LRRIQ1: variants seen among roughly 807,000 people sequenced by gnomAD.
The protein encoded by LRRIQ1 is leucine rich repeats and IQ motif containing 1, also known as leucine-rich repeat- and IQ domain-containing protein 1.
In LRRIQ1, 210 loss-of-function variants were observed where a neutral mutation model predicts 211.9. The ratio of observed to expected loss-of-function variants is 0.99; its 90% CI spans 0.89 to 1.11. The LOEUF (loss-of-function observed/expected upper bound fraction) is 1.11. Among genes scored for constraint, LRRIQ1 ranks in the 50% most tolerant of loss-of-function variants. The pLI, the probability that LRRIQ1 is intolerant of heterozygous loss-of-function variation, is 0.00. For missense variants in LRRIQ1, 2,136 were observed against 1,939.5 expected (o/e 1.10, Z -1.90); for synonymous variants, 699 against 650.1 (o/e 1.08, Z -1.14).
intron 18 of LRRIQ1, among the ~76,000 whole-genome samples, chr12:85,131,554 C>T (rs1411346626): frequency 2.0e-5 from 3 of 152,070 alleles, no homozygotes; most frequent in Admixed American, 6.6e-5. Context: ...GTATAAAGGA[C>T]AGTGTAAGTA....
chr12:85,267,774 A>G (rs1896454293), downstream of LRRIQ1, among the ~76,000 whole-genome samples: 1 of 152,094 alleles, frequency 6.6e-6, no homozygotes. Context: ...TCTGCTAAGC[A>G]CATATTTTGG....
intron 8 of LRRIQ1, among the ~76,000 whole-genome samples, 181 bp downstream of exon 8, chr12:85,057,365 A>G (rs1487293041): frequency 2.0e-5 from 3 of 152,034 alleles, no homozygotes; most frequent in Non-Finnish European, 2.9e-5. Flanking sequence ...TGTTCGAGGC[A>G]TCTTCCCTAA....
At chr12:85,212,311 CAAGAA>C (rs916858426) in intron 24 of LRRIQ1, among the ~76,000 whole-genome samples, 21 of 151,074 alleles carry the variant, frequency 1.4e-4, no homozygotes, top group African/African-American at 4.9e-4. Context: ...AAAAACACCA[CAAGAA>C]AAGAAAAGAA....
At chr12:85,163,922 G>A (rs928183849) in intron 24 of LRRIQ1, among the ~76,000 whole-genome samples, 2 of 152,160 alleles carry the variant, frequency 1.3e-5, no homozygotes, top group Non-Finnish European at 1.5e-5. Flanking sequence ...CTTTGACCAC[G>A]CCTGTCCCCA....
chr12:85,144,393 A>G (rs1889750405), intron 19 of LRRIQ1, among the ~76,000 whole-genome samples: 1 of 151,628 alleles, frequency 6.6e-6, no homozygotes, highest in Non-Finnish European at 1.5e-5. Flanking sequence ...AGAAAATAAG[A>G]TATTGAAAAT....
chr12:85,107,379 C>T (rs1011840522), intron 15 of LRRIQ1, among the ~76,000 whole-genome samples: 1 of 152,062 alleles, frequency 6.6e-6, no homozygotes, highest in African/African-American at 2.4e-5. Context: ...AAACATCTCT[C>T]CACTCTTTTA....
chr12:85,177,183 C>T (rs1891750040), intron 24 of LRRIQ1, among the ~76,000 whole-genome samples: 2 of 152,086 alleles, frequency 1.3e-5, no homozygotes, highest in Admixed American at 1.3e-4. Flanking sequence ...GATTTAATTC[C>T]TTATCTTCCC....
rs375920862 is a variant in LRRIQ1, at chr12:85,064,866, G to A, written c.2392-396G>A. Among the ~76,000 whole-genome samples, 130 of 151,810 alleles carry A rather than the reference G, an allele frequency of 8.6e-4. 4 individuals carry two copies. In the South Asian group the frequency reaches 0.026, roughly 31 times the overall value. On this transcript the variant is annotated intron_variant, in intron 8 of 26. Transcript: ENST00000393217. ...GTATGAATTTGTTTTTGCGTTCTCT[G>A]TGCTGTTTCATTGGTCTGTGTGTCT...
chr12:85,198,139 A>G (rs1893088979), intron 24 of LRRIQ1, among the ~76,000 whole-genome samples: 1 of 122,770 alleles, frequency 8.1e-6, no homozygotes, highest in Admixed American at 1.1e-4. Context: ...ATTATATATA[A>G]TATATTATAT....
At position 85,173,620 on chromosome 12, in the gene LRRIQ1, T is replaced by TAC. The variant is rs141002215; in HGVS notation, c.4822+12919_4822+12920dup. On this transcript the variant is annotated intron_variant, in intron 24 of 26. Transcript: ENST00000393217. ...TAGAGACTACACACGCAATCTCTCA[T>TAC]ACACACACACACACGCACACACACA... Among the ~76,000 whole-genome samples the TAC allele has an allele frequency of 7.4e-3, 1,105 of 148,810 alleles. 18 individuals carry two copies. Among genetic ancestry groups the TAC allele is most frequent in the African/African-American group, 0.025 (1,027 of 40,470 alleles).
At chr12:85,250,358 A>T (rs1340468872) in intron 1 of LRRIQ1, among the ~76,000 whole-genome samples, 1 of 151,872 alleles carries the variant, frequency 6.6e-6, no homozygotes, top group Non-Finnish European at 1.5e-5. Flanking sequence ...GTTTCATTTC[A>T]GGTGAAGTTT....
downstream of LRRIQ1, among the ~76,000 whole-genome samples, chr12:85,248,392 ATAG>A (rs1895797142): frequency 6.6e-6 from 1 of 151,636 alleles, no homozygotes; most frequent in Non-Finnish European, 1.5e-5. Context: ...AGTTAGTAAA[ATAG>A]TAGAAGAAAA....
At chr12:85,171,048 A>G (rs1190580520) in intron 24 of LRRIQ1, among the ~76,000 whole-genome samples, 1 of 152,174 alleles carries the variant, frequency 6.6e-6, no homozygotes, top group East Asian at 1.9e-4. Flanking sequence ...ATTGAACAAG[A>G]GAAACAAGAG....
intron 11 of LRRIQ1, 107 bp downstream of exon 11, chr12:85,073,205 T>C: frequency 4.3e-6 from 3 of 693,668 alleles, no homozygotes; most frequent in Non-Finnish European, 4.6e-6. Flanking sequence ...TTTTTTTAAA[T>C]ATAGGTAAAA....
chr12:85,165,163 T>G (rs1401918299), intron 24 of LRRIQ1, among the ~76,000 whole-genome samples: 1 of 152,118 alleles, frequency 6.6e-6, no homozygotes, highest in Non-Finnish European at 1.5e-5. Context: ...TTATTTTAGA[T>G]TCAGGGGTAA....
intron 18 of LRRIQ1, among the ~76,000 whole-genome samples, chr12:85,135,336 T>C (rs1014617731): frequency 6.6e-6 from 1 of 151,770 alleles, no homozygotes; most frequent in Non-Finnish European, 1.5e-5. Flanking sequence ...AGCAAGAATA[T>C]TTCATAGGTG....
rs769132977 is a variant in LRRIQ1, at chr12:85,047,199, C to T, written c.455-48C>T. On this transcript the variant is annotated intron_variant, in intron 5 of 26. Transcript: ENST00000393217. ...CTTTTATACTTTGAATTAGTTTTGA[C>T]AGTTTTGATCTTACAAATGATGATG... The T allele has an allele frequency of 3.7e-6, 5 of 1,350,270 alleles. No homozygotes were observed. In the South Asian group the frequency reaches 7.2e-5, roughly 19 times the overall value. The allele number at this position is 1,350,270 out of a possible 1,614,324, so 83.6% of individuals were successfully genotyped here.
chr12:85,140,792 G>C (rs1418807937), intron 19 of LRRIQ1, among the ~76,000 whole-genome samples: 1 of 151,158 alleles, frequency 6.6e-6, no homozygotes, highest in Non-Finnish European at 1.5e-5. Context: ...TTAAGATGCT[G>C]CTGCTGCTGC....
chr12:85,183,502 T>C (rs1057490364), intron 24 of LRRIQ1, among the ~76,000 whole-genome samples: 17 of 152,146 alleles, frequency 1.1e-4, no homozygotes, highest in African/African-American at 3.6e-4. Flanking sequence ...CTTGATTTTT[T>C]TTCAGTTTCA....
Sources: allele counts gnomAD v4.1 joint callset (sites outside exome capture counted in the v4.1 genomes callset), GRCh38; gene constraint gnomAD v4.1.1; transcripts MANE v1.5; gene names NCBI Gene and HGNC (gene_info 2026-07-23, HGNC 2026-07-21).